The following ESR1 variants were observed in gnomAD, a reference collection of about 807,000 sequenced individuals.
ESR1 encodes the protein estrogen receptor.
Under a neutral mutation model 52.7 loss-of-function variants are expected in ESR1, and 12 were observed. That is an observed-to-expected ratio of 0.23 (90% CI 0.15 to 0.37). ESR1 has a LOEUF of 0.37. ESR1 is among the 10% of genes least tolerant of loss of function. The pLI is 1.00. For missense variants in ESR1, 584 were observed against 779.7 expected, an observed-to-expected ratio of 0.75 and a Z score of 2.99; for synonymous variants, 305 against 316.8, an observed-to-expected ratio of 0.96 and a Z score of 0.39.
intron 3 of ESR1, among the ~76,000 whole-genome samples, chr6:151,907,111 G>A (rs1797582929): frequency 1.3e-5 from 2 of 151,854 alleles, no homozygotes; most frequent in African/African-American, 4.8e-5. Flanking sequence ...ATTTGTCTAT[G>A]TCTACACTAA....
At chr6:152,041,037 G>T (rs1345406839) in intron 5 of ESR1, among the ~76,000 whole-genome samples, 1 of 152,182 alleles carries the variant, frequency 6.6e-6, no homozygotes, top group African/African-American at 2.4e-5. Flanking sequence ...TAGGTAGCTT[G>T]GTGATTTGAT....
intron 4 of ESR1, among the ~76,000 whole-genome samples, chr6:151,979,494 T>A (rs1032776899): frequency 6.6e-6 from 1 of 152,166 alleles, no homozygotes; most frequent in African/African-American, 2.4e-5. Context: ...CTCATAATCA[T>A]AAGAGAGTTA....
At chr6:151,762,174 A>G (rs958838806) in intron 2 of ESR1, among the ~76,000 whole-genome samples, 2 of 152,232 alleles carry the variant, frequency 1.3e-5, no homozygotes, top group Non-Finnish European at 2.9e-5. Flanking sequence ...AAGAACTATC[A>G]TTCTAACTTA....
chr6:151,906,445 G>A (rs1797472669), intron 3 of ESR1, among the ~76,000 whole-genome samples: 1 of 151,620 alleles, frequency 6.6e-6, no homozygotes, highest in Non-Finnish European at 1.5e-5. Flanking sequence ...TTTTATCTAG[G>A]ATTCTTAAGA....
chr6:151,891,143 A>AT (rs1316658150), intron 3 of ESR1, among the ~76,000 whole-genome samples: 1 of 152,128 alleles, frequency 6.6e-6, no homozygotes, highest in African/African-American at 2.4e-5. Context: ...ACTTTGATTA[A>AT]TTTTTTAATA....
intron 2 of ESR1, among the ~76,000 whole-genome samples, chr6:151,705,292 G>A (rs1046454652): frequency 2.6e-5 from 4 of 152,148 alleles, no homozygotes; most frequent in African/African-American, 9.7e-5. Flanking sequence ...TGTGTCATCA[G>A]ATTTGGTCCC....
At chr6:152,063,026 G>C (rs2047670981) in intron 6 of ESR1, among the ~76,000 whole-genome samples, 1 of 152,108 alleles carries the variant, frequency 6.6e-6, no homozygotes, top group African/African-American at 2.4e-5. Flanking sequence ...TTACAACCCA[G>C]GGGGAAAAAA....
chr6:152,084,757 T>G (rs917088414), intron 6 of ESR1, among the ~76,000 whole-genome samples: 1 of 151,792 alleles, frequency 6.6e-6, no homozygotes, highest in Non-Finnish European at 1.5e-5. Flanking sequence ...CAGACAAAGT[T>G]CTACAAAGTC....
downstream of ESR1, among the ~76,000 whole-genome samples, chr6:152,104,367 G>T (rs2051036516): frequency 6.6e-6 from 1 of 152,128 alleles, no homozygotes; most frequent in Admixed American, 6.5e-5. Flanking sequence ...GCAGTACTGT[G>T]AAGATTACAA....
intron 3 of ESR1, among the ~76,000 whole-genome samples, chr6:151,926,856 A>G (rs557372221): frequency 1.3e-5 from 2 of 152,064 alleles, no homozygotes; most frequent in East Asian, 3.9e-4. Context: ...TTTTTGCCTT[A>G]TTGCACTTGC....
At chr6:152,020,495 G>C (rs188898914) in intron 5 of ESR1, among the ~76,000 whole-genome samples, 1 of 152,250 alleles carries the variant, frequency 6.6e-6, no homozygotes, top group Admixed American at 6.5e-5. Flanking sequence ...CTGTCACCTA[G>C]ACAGGAGCGC....
chr6:152,026,818 C>T (rs1045469226), intron 5 of ESR1, among the ~76,000 whole-genome samples: 2 of 152,098 alleles, frequency 1.3e-5, no homozygotes, highest in African/African-American at 4.8e-5. Context: ...GTCCTAGTCA[C>T]TAGTAATAAC....
chr6:151,953,884 C>T (rs1337422416), intron 4 of ESR1, among the ~76,000 whole-genome samples: 1 of 151,508 alleles, frequency 6.6e-6, no homozygotes, highest in Non-Finnish European at 1.5e-5. Context: ...ATGTTATTGC[C>T]TTCTTTCACA....
At chr6:151,799,122 G>A (rs1231664113) in intron 2 of ESR1, among the ~76,000 whole-genome samples, 8 of 152,126 alleles carry the variant, frequency 5.3e-5, no homozygotes, top group Non-Finnish European at 8.8e-5. Context: ...AGCAAGCAAG[G>A]CCCACACTAA....
At chr6:151,710,724 C>T (rs1293585041) in intron 2 of ESR1, among the ~76,000 whole-genome samples, 1 of 150,604 alleles carries the variant, frequency 6.6e-6, no homozygotes, top group Non-Finnish European at 1.5e-5. Context: ...CCTCCCCTAG[C>T]CCCCCACCCT....
chr6:151,907,382 A>G (rs1380254612), intron 3 of ESR1, among the ~76,000 whole-genome samples: 2 of 152,122 alleles, frequency 1.3e-5, no homozygotes, highest in Non-Finnish European at 2.9e-5. Flanking sequence ...GACTTCTAAT[A>G]AAGTTTTTCA....
chr6:151,964,509 T>A (rs1375991095), intron 4 of ESR1, among the ~76,000 whole-genome samples: 1 of 152,196 alleles, frequency 6.6e-6, no homozygotes, highest in Non-Finnish European at 1.5e-5. Context: ...GATTTTTGCA[T>A]GTTTATTTTG....
At position 152,100,838 on chromosome 6, in the gene ESR1, G is replaced by T; in HGVS notation, c.*1872G>T. The T allele has an allele frequency of 4.3e-6, 1 of 230,512 alleles. No individual in the cohort carries two copies. The highest frequency in any genetic ancestry group is 8.6e-6 in the Non-Finnish European group (1 of 116,386). 14.3% of individuals were successfully genotyped at this position (230,512 alleles called of 1,614,324 possible). A position where few individuals can be genotyped will look rare whatever the true frequency, so the allele number is the denominator to read the frequency against. ...GACAATTTTATGTATCTGTGTTAAG[G>T]ATATGTTTAAGAACATAATTCTTTT... On this transcript the variant is annotated 3_prime_UTR_variant, in exon 8 of 8. Coordinates refer to ENST00000206249, the MANE Select transcript of ESR1 (RefSeq NM_000125.4).
At chr6:152,127,535 AC>A (rs1167903543) in exon 7 of ESR1, 1 of 152,144 alleles carries the variant, frequency 6.6e-6, no homozygotes, top group African/African-American at 2.4e-5. Flanking sequence ...GGGAAAACAT[AC>A]CTGATTTATT....
Sources: gnomAD v4.1 joint callset for allele counts (sites outside exome capture counted in the v4.1 genomes callset) on GRCh38, gnomAD v4.1.1 for gene constraint, MANE v1.5 for transcripts, NCBI Gene and HGNC (gene_info 2026-07-23, HGNC 2026-07-21) for gene names.